The following PDZD2 variants were observed in gnomAD, a reference collection of about 807,000 sequenced individuals.
PDZD2 encodes the protein PDZ domain containing 2, also known as PDZ domain-containing protein 2.
In PDZD2, 90 loss-of-function variants were observed where a neutral mutation model predicts 220.7. The observed-to-expected ratio is 0.41, with a 90% CI of 0.34 to 0.49. The LOEUF (loss-of-function observed/expected upper bound fraction) is 0.49. PDZD2 is among the 20% of genes least tolerant of loss of function. The pLI, the probability that PDZD2 is intolerant of heterozygous loss-of-function variation, is 0.28. For synonymous variants in PDZD2, 1,375 were observed against 1,450.5 expected (o/e 0.95, Z 1.18); for missense variants, 3,174 against 3,608.5 (o/e 0.88, Z 3.08).
At chr5:31,685,896 A>C (rs969724683) in intron 1 of PDZD2, among the ~76,000 whole-genome samples, 1 of 152,096 alleles carries the variant, frequency 6.6e-6, no homozygotes, top group African/African-American at 2.4e-5. Context: ...TGAAAGATGA[A>C]GACTTTTAAA....
intron 1 of PDZD2, among the ~76,000 whole-genome samples, chr5:31,770,349 A>G (rs1752268804): frequency 1.3e-5 from 2 of 152,190 alleles, no homozygotes; most frequent in South Asian, 4.1e-4. Flanking sequence ...TGACGGAACC[A>G]ATTGAATAGG....
At chr5:31,768,627 C>T (rs1161730819) in intron 1 of PDZD2, among the ~76,000 whole-genome samples, 7 of 134,020 alleles carry the variant, frequency 5.2e-5, no homozygotes, top group Admixed American at 3.2e-4. Flanking sequence ...GGCAACAGAG[C>T]GAGACTCTGT....
chr5:31,960,286 G>A (rs527558422), intron 2 of PDZD2, among the ~76,000 whole-genome samples: 34 of 151,428 alleles, frequency 2.2e-4, no homozygotes, highest in Non-Finnish European at 2.7e-4. Context: ...GCGCGATCTC[G>A]GCTCACCACA....
intron 2 of PDZD2, among the ~76,000 whole-genome samples, chr5:31,918,776 C>T (rs1400270085): frequency 1.3e-5 from 2 of 152,018 alleles, no homozygotes; most frequent in African/African-American, 2.4e-5. Context: ...TTGATGGCAC[C>T]GGCACTTAGC....
In PDZD2 at chr5:32,011,623, G is replaced by A. The variant is rs375672709; in HGVS notation, c.1407+1141G>A. Among the ~76,000 whole-genome samples the A allele has an allele frequency of 1.2e-4, 18 of 152,236 alleles. No individual in the cohort carries two copies. In the East Asian group the frequency reaches 3.5e-3, roughly 29 times the overall value. On this transcript the variant is annotated intron_variant, in intron 6 of 24. Coordinates refer to ENST00000438447, the MANE Select transcript of PDZD2 (RefSeq NM_178140.4). ...CCATCTAAACAGCTGTGGGGTGGGT[G>A]GGTGCCCTCTCTCTGCCCCTTGGAG...
intron 5 of PDZD2, among the ~76,000 whole-genome samples, chr5:32,006,062 G>A (rs936620486): frequency 6.6e-6 from 1 of 151,058 alleles, no homozygotes; most frequent in African/African-American, 2.4e-5. Flanking sequence ...CAGGAGAATC[G>A]CTTGAACCCA....
At chr5:31,941,847 G>A (rs1295240811) in intron 2 of PDZD2, among the ~76,000 whole-genome samples, 1 of 152,204 alleles carries the variant, frequency 6.6e-6, no homozygotes, top group African/African-American at 2.4e-5. Context: ...AGAAACATCA[G>A]TCTTCGCTAT....
intron 1 of PDZD2, among the ~76,000 whole-genome samples, chr5:31,660,269 T>C (rs1377998703): frequency 6.6e-6 from 1 of 152,222 alleles, no homozygotes; most frequent in Non-Finnish European, 1.5e-5. Context: ...TCCCCATATC[T>C]ATTGGCATGT....
chr5:32,003,452 C>T, intron 5 of PDZD2, among the ~76,000 whole-genome samples: 1 of 107,412 alleles, frequency 9.3e-6, no homozygotes. Flanking sequence ...ACACTCCCCC[C>T]AACACACACC....
chr5:31,724,596 C>A (rs1413594281), intron 1 of PDZD2, among the ~76,000 whole-genome samples: 2 of 110,550 alleles, frequency 1.8e-5, no homozygotes. Context: ...GAGTGAAATT[C>A]CGTCTCAAAA....
chr5:31,873,924 TTC>T (rs1454398921), intron 2 of PDZD2, among the ~76,000 whole-genome samples: 3 of 151,736 alleles, frequency 2.0e-5, no homozygotes, highest in Admixed American at 2.0e-4. Context: ...GAGATGGGGT[TTC>T]TCTGTGTTGG....
intron 1 of PDZD2, among the ~76,000 whole-genome samples, chr5:31,723,542 A>G (rs1268431076): frequency 1.3e-5 from 2 of 152,172 alleles, no homozygotes; most frequent in African/African-American, 4.8e-5. Context: ...AAATTATTTT[A>G]AATTTCATAG....
chr5:32,098,768 T>G lies in PDZD2; in HGVS notation c.8218+134T>G. The G allele has an allele frequency of 1.3e-6, 1 of 793,908 alleles. No homozygotes were observed. The highest frequency in any genetic ancestry group is 2.0e-6 in the Non-Finnish European group (1 of 512,768). 49.2% of individuals were successfully genotyped at this position (793,908 alleles called of 1,614,324 possible). ...ATTAAATGTAGCGAAGTCTAGTGTG[T>G]TTGGATGCTGCTTACAAAAGCAGTG... On this transcript the variant is annotated intron_variant, in intron 23 of 24. Transcript: ENST00000438447. The surrounding 1 kb of genome is among the most constrained non-coding windows in gnomAD (Gnocchi z 4.1).
chr5:31,757,417 C>G (rs1467116949), intron 1 of PDZD2, among the ~76,000 whole-genome samples: 1 of 152,056 alleles, frequency 6.6e-6, no homozygotes, highest in Admixed American at 6.5e-5. Flanking sequence ...CGGTGAAACC[C>G]CATCTCTAAG....
chr5:31,912,086 A>G (rs963307195), intron 2 of PDZD2, among the ~76,000 whole-genome samples: 1 of 152,104 alleles, frequency 6.6e-6, no homozygotes, highest in Non-Finnish European at 1.5e-5. Flanking sequence ...TACACAAAAG[A>G]CCAGACAGTG....
At chr5:31,876,658 C>G (rs554243837) in intron 2 of PDZD2, among the ~76,000 whole-genome samples, 15 of 152,144 alleles carry the variant, frequency 9.9e-5, no homozygotes, top group Non-Finnish European at 1.8e-4. Flanking sequence ...GGAGGTTGGT[C>G]TTGATAATTA....
At chr5:31,698,251 G>A (rs1019795338) in intron 1 of PDZD2, among the ~76,000 whole-genome samples, 1 of 149,896 alleles carries the variant, frequency 6.7e-6, no homozygotes, top group African/African-American at 2.4e-5. Context: ...AGCTGCCTGA[G>A]TGCATTGTGA....
chr5:32,087,412 G>T lies in PDZD2; in HGVS notation c.3964G>T (p.Ala1322Ser). 4 of 1,614,130 alleles carry T rather than the reference G, an allele frequency of 2.5e-6. No individual in the cohort carries two copies. Among genetic ancestry groups the T allele is most frequent in the Middle Eastern group, 1.7e-4 (1 of 6,056 alleles). The change falls in exon 20 of 25, where the codon GCC becomes TCC. Residue 1322 changes from alanine to serine, a missense_variant. Coordinates refer to ENST00000438447, the MANE Select transcript of PDZD2 (RefSeq NM_178140.4). This position sits in a 1 kb window ranked among gnomAD's most constrained non-coding sequence, Gnocchi z 4.0. ...STPHNTRRVA[A>S]LRGAGPGAEG... ...ACCCCACAATACCAGGAGGGTGGCTGCCCTCAGGGGAGCGGGACCTGGAGC... is the reference window on the plus strand; with the variant it reads ...ACCCCACAATACCAGGAGGGTGGCTTCCCTCAGGGGAGCGGGACCTGGAGC...
chr5:31,790,174 C>T (rs1753617000), intron 1 of PDZD2, among the ~76,000 whole-genome samples: 1 of 152,014 alleles, frequency 6.6e-6, no homozygotes, highest in African/African-American at 2.4e-5. Context: ...GTGGTGCAAT[C>T]TCGGCTCACT....
Sources: gnomAD v4.1 joint callset for allele counts (sites outside exome capture counted in the v4.1 genomes callset) on GRCh38, gnomAD v4.1.1 for gene constraint, Gnocchi (gnomAD v3.1) non-coding constraint, MANE v1.5 for transcripts, NCBI Gene and HGNC (gene_info 2026-07-23, HGNC 2026-07-21) for gene names.